The following CSMD1 variants were observed in gnomAD, a reference collection of about 807,000 sequenced individuals.
The protein encoded by CSMD1 is CUB and sushi domain-containing protein 1.
In CSMD1, 213 loss-of-function variants were observed where a neutral mutation model predicts 417.5. That is an observed-to-expected ratio of 0.51 (90% confidence interval 0.46 to 0.57). The LOEUF (loss-of-function observed/expected upper bound fraction) is 0.57, where lower values mean the gene tolerates loss of function less well. Ranked by LOEUF, CSMD1 falls within the 20% of genes least tolerant of loss-of-function variation. The pLI is 0.00. For missense variants in CSMD1, 6,923 were observed against 4,529.7 expected, an observed-to-expected ratio of 1.53 and a Z score of -15.17; for synonymous variants, 2,862 against 1,736.8, an observed-to-expected ratio of 1.65 and a Z score of -16.11.
intron 33 of CSMD1, among the ~76,000 whole-genome samples, chr8:3,192,883 T>A (rs1049291346): frequency 2.0e-5 from 3 of 152,138 alleles, no homozygotes; most frequent in African/African-American, 7.2e-5. Flanking sequence ...TTGAAATTAT[T>A]TGTGTCATGT....
chr8:4,388,111 C>G lies in CSMD1; in HGVS notation c.415+31842G>C, dbSNP rs572901527. ...ACCAGGACTAAAGATACAGCTGTCTCTGCCCAGCTAAATGTAATTATTTAA... is the reference window on the plus strand; with the variant it reads ...ACCAGGACTAAAGATACAGCTGTCTGTGCCCAGCTAAATGTAATTATTTAA... On this transcript the variant is annotated intron_variant, in intron 3 of 69. Coordinates refer to ENST00000635120, the MANE Select transcript of CSMD1 (RefSeq NM_033225.6). Among the ~76,000 whole-genome samples, 7 of 152,304 alleles carry G rather than the reference C, an allele frequency of 4.6e-5. No homozygotes were observed. In the South Asian group the frequency reaches 1.5e-3, roughly 32 times the overall value.
Position 4,334,134 on chromosome 8 carries a change from C to A in CSMD1, c.415+85819G>T, listed in dbSNP as rs764186288. 1.2e-4 allele frequency among the ~76,000 whole-genome samples: 18 copies of A among 151,996 alleles called. No individual in the cohort carries two copies. In the East Asian group the frequency reaches 3.1e-3, roughly 26 times the overall value. ...GTTAACCAAGCTGGTCTCAAACTCC[C>A]GAACTCAAGATATCCTCTGGCCTCA... On this transcript the variant is annotated intron_variant, in intron 3 of 69. Transcript: ENST00000635120.
chr8:4,045,370 C>A (rs1249390646), intron 3 of CSMD1, among the ~76,000 whole-genome samples: 1 of 152,182 alleles, frequency 6.6e-6, no homozygotes, highest in Admixed American at 6.5e-5. Context: ...GTTTCAAGGA[C>A]ACTGTCATTT....
chr8:4,801,476 T>C (rs954038660), intron 1 of CSMD1, among the ~76,000 whole-genome samples: 4 of 152,104 alleles, frequency 2.6e-5, no homozygotes, highest in African/African-American at 9.7e-5. Context: ...TTTTTTCTTT[T>C]CTTCAAATTG....
intron 5 of CSMD1, among the ~76,000 whole-genome samples, chr8:3,756,973 T>C (rs541212019): frequency 1.3e-5 from 2 of 152,252 alleles, no homozygotes; most frequent in African/African-American, 4.8e-5. Context: ...TGTAATCTTT[T>C]AATTTTTTGT....
intron 7 of CSMD1, among the ~76,000 whole-genome samples, chr8:3,691,228 C>A (rs886244807): frequency 5.9e-5 from 9 of 151,908 alleles, no homozygotes; most frequent in Admixed American, 3.3e-4. Context: ...ATTAGCCGGG[C>A]ACGGTAACAG....
intron 12 of CSMD1, among the ~76,000 whole-genome samples, chr8:3,448,378 G>GAAGAA (rs1563399974): frequency 5.8e-5 from 1 of 17,256 alleles, no homozygotes. Context: ...AGGAAGGGAG[G>GAAGAA]GGGAGGAGGG....
chr8:3,671,516 CATATATATGATCAT>C (rs1563256846), intron 7 of CSMD1, among the ~76,000 whole-genome samples: 3,184 of 7,906 alleles, frequency 0.4, 589 homozygotes, highest in Non-Finnish European at 0.44. Context: ...TATATATGAT[CATATATATGATCAT>C]ATATATATAT....
chr8:3,913,884 C>T (rs1453483312), intron 5 of CSMD1, among the ~76,000 whole-genome samples: 3 of 151,734 alleles, frequency 2.0e-5, no homozygotes, highest in Admixed American at 6.6e-5. Context: ...ATGATTACCT[C>T]GACTGTTTTT....
At chr8:4,866,051 G>C (rs1166007924) in intron 1 of CSMD1, among the ~76,000 whole-genome samples, 2 of 151,840 alleles carry the variant, frequency 1.3e-5, no homozygotes, top group East Asian at 1.9e-4. Flanking sequence ...CTCAGTTTTT[G>C]ACACCTTAAT....
intron 22 of CSMD1, 24 bp from the exon 23 acceptor site, chr8:3,343,474 T>A: frequency 6.2e-7 from 1 of 1,603,956 alleles, no homozygotes; most frequent in South Asian, 1.1e-5. Flanking sequence ...ACAGCATGAG[T>A]CCCTCTATGC....
Position 4,630,887 on chromosome 8 carries a change from G to A in CSMD1, c.302+6455C>T, listed in dbSNP as rs184245106. Among the ~76,000 whole-genome samples the A allele has an allele frequency of 3.4e-4, 52 of 152,222 alleles. 1 individual carries two copies. Among genetic ancestry groups the A allele is most frequent in the Non-Finnish European group, 1.3e-4 (9 of 68,010 alleles). On this transcript the variant is annotated intron_variant, in intron 2 of 69. Transcript: ENST00000635120. ...TGGTTCTGGGATCCTCCCTCACCCT[G>A]TGCTGGTCATATTTGCTGGTCACTG...
At chr8:4,265,986 T>G (rs1403217176) in intron 3 of CSMD1, among the ~76,000 whole-genome samples, 1 of 103,864 alleles carries the variant, frequency 9.6e-6, no homozygotes, top group Admixed American at 9.2e-5. Flanking sequence ...CTACTTTGTG[T>G]GCGTTTGGGC....
At chr8:3,967,450 C>T (rs2627469) in intron 5 of CSMD1, among the ~76,000 whole-genome samples, 73,717 of 143,920 alleles carry the variant, frequency 0.51, 18,183 homozygotes, top group East Asian at 0.74. Context: ...AGGATCTTTG[C>T]TAAAAGGAAA....
intron 37 of CSMD1, among the ~76,000 whole-genome samples, chr8:3,163,427 A>AT (rs1206105685): frequency 6.6e-6 from 1 of 151,558 alleles, no homozygotes; most frequent in African/African-American, 2.4e-5. Flanking sequence ...AAAAAAAAAA[A>AT]CAGCAGGAGA....
intron 3 of CSMD1, among the ~76,000 whole-genome samples, chr8:4,241,903 C>T (rs925599917): frequency 6.6e-6 from 1 of 152,112 alleles, no homozygotes; most frequent in Non-Finnish European, 1.5e-5. Context: ...GGCATAAAGA[C>T]AACATCGTGA....
rs1422627559 is a variant in CSMD1 at position 3,796,037 on chromosome 8, A to C, written c.819-41995T>G. ...ATATATATCATGTATAGATATAGAT[A>C]TATATCTATCATAGATATAGATATA... On this transcript the variant is annotated intron_variant, in intron 5 of 69. Coordinates refer to ENST00000635120, the MANE Select transcript of CSMD1 (RefSeq NM_033225.6). Among the ~76,000 whole-genome samples, 2 of 60,178 alleles carry C rather than the reference A, an allele frequency of 3.3e-5. 1 individual carries two copies. Among genetic ancestry groups the C allele is most frequent in the African/African-American group, 1.1e-4 (2 of 18,408 alleles). 39.5% of individuals were successfully genotyped at this position (60,178 alleles called of 152,430 possible). A position where few individuals can be genotyped will look rare whatever the true frequency, so the allele number is the denominator to read the frequency against.
At chr8:4,209,207 T>A (rs1398146997) in intron 3 of CSMD1, among the ~76,000 whole-genome samples, 1 of 152,066 alleles carries the variant, frequency 6.6e-6, no homozygotes, top group African/African-American at 2.4e-5. Flanking sequence ...GCTCACCTTT[T>A]CAACACTTTT....
chr8:3,349,524 T>C (rs1808249314), intron 21 of CSMD1, among the ~76,000 whole-genome samples: 1 of 151,956 alleles, frequency 6.6e-6, no homozygotes, highest in Admixed American at 6.6e-5. Context: ...AAGCAGGCTT[T>C]GGATGTGGCT....
Sources: gnomAD v4.1 joint callset for allele counts (sites outside exome capture counted in the v4.1 genomes callset) on GRCh38, gnomAD v4.1.1 for gene constraint, MANE v1.5 for transcripts, NCBI Gene and HGNC (gene_info 2026-07-23, HGNC 2026-07-21) for gene names.